KCNAB1: variants seen among roughly 807,000 people sequenced by gnomAD.
KCNAB1 encodes voltage-gated potassium channel subunit beta-1.
KCNAB1 carries 35 observed loss-of-function variants against 64.6 expected under a neutral mutation model. The ratio of observed to expected loss-of-function variants is 0.54; its 90% CI spans 0.41 to 0.72. The LOEUF is 0.72. Ranked by LOEUF, KCNAB1 falls within the 30% of genes least tolerant of loss-of-function variation. KCNAB1 has a pLI of 0.00. For synonymous variants in KCNAB1, 177 were observed against 183.8 expected (o/e 0.96, Z 0.30); for missense variants, 401 against 512.9 (o/e 0.78, Z 2.11).
intron 11 of KCNAB1, 35 bp downstream of exon 11, chr3:156,516,399 G>T (rs1176670563): frequency 1.4e-6 from 2 of 1,434,412 alleles, no homozygotes; most frequent in African/African-American, 2.8e-5. Flanking sequence ...AAGCCTGGGA[G>T]TAGGAAGGAG....
Position 156,203,171 on chromosome 3 carries a change from T to G in KCNAB1, c.275+82285T>G, listed in dbSNP as rs182138428. 3.5e-3 allele frequency among the ~76,000 whole-genome samples: 538 copies of G among 152,328 alleles called. 2 individuals are homozygous for G. Among genetic ancestry groups the G allele is most frequent in the Middle Eastern group, 0.014 (4 of 294 alleles). The stretch of plus-strand genomic sequence containing the variant: ...CAAATAAAATTTCACTGGGAGATAT[T>G]CATGACCATCCATTAATGTATTGCC... On this transcript the variant is annotated intron_variant, in intron 1 of 13. Transcript: ENST00000490337.
intron 11 of KCNAB1, 70 bp from the exon 12 acceptor site, chr3:156,523,757 A>G: frequency 1.4e-6 from 2 of 1,424,748 alleles, no homozygotes; most frequent in South Asian, 2.6e-5. Context: ...CACATATTTT[A>G]TTGAATTACC....
At chr3:156,140,506 C>T (rs1386009697) in intron 1 of KCNAB1, among the ~76,000 whole-genome samples, 1 of 152,098 alleles carries the variant, frequency 6.6e-6, no homozygotes, top group East Asian at 1.9e-4. Flanking sequence ...TTGGCCTCTT[C>T]TTATAAGGGC....
At chr3:156,406,417 A>T (rs1171691045) in intron 1 of KCNAB1, among the ~76,000 whole-genome samples, 1 of 152,136 alleles carries the variant, frequency 6.6e-6, no homozygotes, top group African/African-American at 2.4e-5. Context: ...ACACACAAAG[A>T]ACCATGAGAA....
chr3:156,292,715 A>G (rs1341976741), intron 1 of KCNAB1, among the ~76,000 whole-genome samples: 1 of 151,968 alleles, frequency 6.6e-6, no homozygotes, highest in Non-Finnish European at 1.5e-5. Context: ...CTCATTTTTT[A>G]TGTTTTTAAT....
intron 1 of KCNAB1, among the ~76,000 whole-genome samples, chr3:156,356,926 C>T (rs1243510402): frequency 6.6e-6 from 1 of 152,216 alleles, no homozygotes; most frequent in Non-Finnish European, 1.5e-5. Context: ...CTAGTTGGCT[C>T]TGTCTTTCCA....
chr3:156,155,362 G>A lies in KCNAB1; in HGVS notation c.275+34476G>A, dbSNP rs189202731. ...TAAAGGATTTAATTCTAGTGGGGACGTGCCAGTTAATGAACAAAAATAAAT... is the reference window on the plus strand; with the variant it reads ...TAAAGGATTTAATTCTAGTGGGGACATGCCAGTTAATGAACAAAAATAAAT... On this transcript the variant is annotated intron_variant, in intron 1 of 13. Coordinates refer to ENST00000490337, the MANE Select transcript of KCNAB1 (RefSeq NM_172160.3). Among the ~76,000 whole-genome samples, 583 of 152,284 alleles carry A rather than the reference G, an allele frequency of 3.8e-3. 2 individuals are homozygous for A. The highest frequency in any genetic ancestry group is 6.0e-3 in the Non-Finnish European group (410 of 68,026).
intron 8 of KCNAB1, among the ~76,000 whole-genome samples, chr3:156,510,255 A>G (rs1407434312): frequency 6.6e-6 from 1 of 152,130 alleles, no homozygotes; most frequent in African/African-American, 2.4e-5. Flanking sequence ...TCTGCTACAC[A>G]TCTCATGCCT....
chr3:156,169,297 G>A (rs1456869455), intron 1 of KCNAB1, among the ~76,000 whole-genome samples: 1 of 152,066 alleles, frequency 6.6e-6, no homozygotes, highest in African/African-American at 2.4e-5. Flanking sequence ...TAGGAAAATG[G>A]CAAAATAATG....
In KCNAB1 at chr3:156,452,482, T is replaced by C. The variant is rs1213036849; in HGVS notation, c.320-417T>C. On this transcript the variant is annotated intron_variant, in intron 2 of 13. Coordinates refer to ENST00000490337, the MANE Select transcript of KCNAB1 (RefSeq NM_172160.3). This position sits in a 1 kb window ranked among gnomAD's most constrained non-coding sequence, Gnocchi z 4.6. ...ATGAATAAAAAATACAGCCACTATT[T>C]GGAGGCAAAGAAGGGGAGAACTATA... is the stretch of plus-strand genomic sequence containing the variant. 6.6e-6 allele frequency among the ~76,000 whole-genome samples: 1 copy of C among 152,238 alleles called. No individual in the cohort carries two copies. The highest frequency in any genetic ancestry group is 1.5e-5 in the Non-Finnish European group (1 of 68,042).
intron 1 of KCNAB1, among the ~76,000 whole-genome samples, chr3:156,356,781 A>C (rs1399685191): frequency 6.6e-6 from 1 of 152,238 alleles, no homozygotes; most frequent in African/African-American, 2.4e-5. Context: ...AGTGTCTTTT[A>C]GTAGCCTAAA....
chr3:156,514,312 A>G, intron 8 of KCNAB1, 52 bp from the exon 9 acceptor site: 1 of 1,448,552 alleles, frequency 6.9e-7, no homozygotes. Flanking sequence ...AAATCGCATA[A>G]CTTTGAAAAG....
rs1721598986 is a variant in KCNAB1, at chr3:156,307,695, C to T, written c.276-113921C>T. On this transcript the variant is annotated intron_variant, in intron 1 of 13. Transcript: ENST00000490337. ...AGGCTGTCAACTGAGCACATTATTA[C>T]TGAAATGTCATTACTCCAACCACGA... Among the ~76,000 whole-genome samples, 3 of 152,302 alleles carry T rather than the reference C, an allele frequency of 2.0e-5. No individual in the cohort carries two copies. The South Asian group carries it at 6.2e-4, about 32-fold the overall frequency.
intron 1 of KCNAB1, among the ~76,000 whole-genome samples, chr3:156,121,558 G>A (rs917146610): frequency 7.9e-5 from 12 of 152,120 alleles, no homozygotes; most frequent in Non-Finnish European, 1.8e-4. Flanking sequence ...AGTGTTCCAA[G>A]GCAAAACGTA....
chr3:156,421,667 C>T lies in KCNAB1; in HGVS notation c.319+8C>T. ...TTTCTTGCTTGGGTCTTGGTAAGTA[C>T]TGAGGGTGTGACCTGGGGGTGGGCT... On this transcript the variant is annotated splice_region_variant and intron_variant, in intron 2 of 13. Coordinates refer to ENST00000490337, the MANE Select transcript of KCNAB1 (RefSeq NM_172160.3). 6.2e-7 allele frequency: 1 copy of T among 1,613,432 alleles called. No individual in the cohort carries two copies. The highest frequency in any genetic ancestry group is 8.5e-7 in the Non-Finnish European group (1 of 1,179,552).
chr3:156,474,705 T>C, intron 7 of KCNAB1, 29 bp from the exon 8 acceptor site: 4 of 1,539,884 alleles, frequency 2.6e-6, no homozygotes, highest in Non-Finnish European at 3.6e-6. Context: ...ATTTAGATTT[T>C]GGGGTTTGTT....
chr3:156,129,794 A>G (rs1420688762), intron 1 of KCNAB1, among the ~76,000 whole-genome samples: 1 of 152,168 alleles, frequency 6.6e-6, no homozygotes, highest in Non-Finnish European at 1.5e-5. Flanking sequence ...TCTCTCTATG[A>G]GCCCCTCAAG....
intron 1 of KCNAB1, among the ~76,000 whole-genome samples, chr3:156,139,582 G>GTTTT (rs1577626900): frequency 8.1e-5 from 4 of 49,610 alleles, no homozygotes; most frequent in Admixed American, 2.5e-4. Context: ...CCATTGTACT[G>GTTTT]TGTTTTTTTT....
chr3:156,190,202 T>G (rs1713473271), intron 1 of KCNAB1, among the ~76,000 whole-genome samples: 1 of 152,166 alleles, frequency 6.6e-6, no homozygotes, highest in Admixed American at 6.5e-5. Context: ...TAACTTTCCT[T>G]CCGCCTGCTC....
Sources: allele counts gnomAD v4.1 joint callset (sites outside exome capture counted in the v4.1 genomes callset), GRCh38; gene constraint gnomAD v4.1.1; non-coding constraint Gnocchi (gnomAD v3.1); transcripts MANE v1.5; gene names NCBI Gene and HGNC (gene_info 2026-07-23, HGNC 2026-07-21).